The following PHACTR1 variants were observed in gnomAD, a reference collection of about 807,000 sequenced individuals.
PHACTR1 encodes phosphatase and actin regulator 1.
In PHACTR1, 16 loss-of-function variants were observed where a neutral mutation model predicts 69.2. The observed-to-expected ratio is 0.23, with a 90% CI of 0.16 to 0.35. The LOEUF is 0.35. Ranked by LOEUF, PHACTR1 falls within the 10% of genes least tolerant of loss-of-function variation. The probability of loss-of-function intolerance (pLI) is 1.00; values close to 1 mark genes in which losing one functional copy is unlikely to be tolerated. For missense variants in PHACTR1, 510 were observed against 734.7 expected, an observed-to-expected ratio of 0.69 and a Z score of 3.54; for synonymous variants, 312 against 284.5, an observed-to-expected ratio of 1.10 and a Z score of -0.97.
At chr6:12,773,196 T>TA (rs1455674513) in intron 4 of PHACTR1, among the ~76,000 whole-genome samples, 1 of 152,164 alleles carries the variant, frequency 6.6e-6, no homozygotes, top group Non-Finnish European at 1.5e-5. Flanking sequence ...CAGGGTTTTT[T>TA]AAAAAAATGT....
chr6:13,067,447 G>A (rs890812238), intron 5 of PHACTR1, among the ~76,000 whole-genome samples: 3 of 152,006 alleles, frequency 2.0e-5, no homozygotes, highest in African/African-American at 4.8e-5. Flanking sequence ...CTTTTTTGAC[G>A]TATCTCTATA....
chr6:12,844,128 C>G (rs909700276), intron 4 of PHACTR1, among the ~76,000 whole-genome samples: 3 of 152,160 alleles, frequency 2.0e-5, no homozygotes, highest in Non-Finnish European at 1.5e-5. Context: ...AGCGCAGTGG[C>G]TCATACCTAT....
chr6:12,908,355 C>G (rs554314655), intron 4 of PHACTR1, among the ~76,000 whole-genome samples: 2 of 152,306 alleles, frequency 1.3e-5, no homozygotes, highest in African/African-American at 2.4e-5. Context: ...AATATGGAGA[C>G]TGCCTATTAT....
At chr6:12,830,249 T>C (rs1424237007) in intron 4 of PHACTR1, among the ~76,000 whole-genome samples, 2 of 152,030 alleles carry the variant, frequency 1.3e-5, no homozygotes. Context: ...TCCAGTCAAG[T>C]TTGATACGCA....
chr6:12,933,780 G>A, intron 4 of PHACTR1: 1 of 1,612,822 alleles, frequency 6.2e-7, no homozygotes, highest in East Asian at 2.2e-5. Context: ...GCCCACATCT[G>A]CTCAGGCCCC....
intron 5 of PHACTR1, among the ~76,000 whole-genome samples, chr6:13,087,040 A>AT (rs1265460903): frequency 1.3e-5 from 2 of 151,198 alleles, no homozygotes; most frequent in African/African-American, 4.9e-5. Flanking sequence ...CTTATTTGCC[A>AT]TTTTTATATC....
At chr6:13,223,086 C>G (rs1289260102) in intron 8 of PHACTR1, among the ~76,000 whole-genome samples, 1 of 151,906 alleles carries the variant, frequency 6.6e-6, no homozygotes, top group South Asian at 2.1e-4. Flanking sequence ...CATACAAAAC[C>G]TGTTATTACA....
chr6:12,785,971 T>C (rs984003203), intron 4 of PHACTR1, among the ~76,000 whole-genome samples: 1 of 152,214 alleles, frequency 6.6e-6, no homozygotes, highest in African/African-American at 2.4e-5. Context: ...TCAACGGTTA[T>C]ATTGTGCTAA....
chr6:13,206,610 T>C (rs1005079473), intron 8 of PHACTR1, among the ~76,000 whole-genome samples: 1 of 152,216 alleles, frequency 6.6e-6, no homozygotes, highest in African/African-American at 2.4e-5. Flanking sequence ...TGTACATACA[T>C]TTAAGAAAGG....
At chr6:12,977,134 T>G (rs1305694100) in intron 4 of PHACTR1, among the ~76,000 whole-genome samples, 1 of 152,104 alleles carries the variant, frequency 6.6e-6, no homozygotes, top group Admixed American at 6.5e-5. Context: ...TGTATTTTAG[T>G]AGAGATAGGG....
chr6:12,947,789 A>G (rs1036094315), intron 4 of PHACTR1, among the ~76,000 whole-genome samples: 1 of 152,234 alleles, frequency 6.6e-6, no homozygotes, highest in Non-Finnish European at 1.5e-5. Flanking sequence ...TGACAGAGTC[A>G]GATTCAAACC....
At chr6:12,751,914 A>G (rs1296146871) in intron 4 of PHACTR1, among the ~76,000 whole-genome samples, 1 of 152,194 alleles carries the variant, frequency 6.6e-6, no homozygotes, top group East Asian at 1.9e-4. Flanking sequence ...GGTGGTGCTG[A>G]AGCGAGACAG....
intron 4 of PHACTR1, among the ~76,000 whole-genome samples, chr6:12,838,401 C>T (rs919302918): frequency 1.3e-5 from 2 of 152,090 alleles, no homozygotes; most frequent in Admixed American, 6.5e-5. Context: ...TTCCTTGTTT[C>T]GATTCCTAGA....
At chr6:13,049,740 A>G (rs962665288) in intron 4 of PHACTR1, among the ~76,000 whole-genome samples, 1 of 152,212 alleles carries the variant, frequency 6.6e-6, no homozygotes, top group Non-Finnish European at 1.5e-5. Flanking sequence ...TTGTTTTAAT[A>G]TAAAAAATAG....
chr6:13,265,738 G>A (rs1776597324), intron 10 of PHACTR1, among the ~76,000 whole-genome samples: 2 of 152,022 alleles, frequency 1.3e-5, no homozygotes. Flanking sequence ...TTCCCATTAC[G>A]TTGCTTCCAT....
chr6:12,854,226 G>A (rs1780110937), intron 4 of PHACTR1, among the ~76,000 whole-genome samples: 1 of 152,154 alleles, frequency 6.6e-6, no homozygotes, highest in Admixed American at 6.5e-5. Flanking sequence ...CATTTAAAAT[G>A]GAACAATAAA....
At chr6:13,212,917 G>T (rs1021499215) in intron 8 of PHACTR1, among the ~76,000 whole-genome samples, 1 of 152,136 alleles carries the variant, frequency 6.6e-6, no homozygotes, top group Non-Finnish European at 1.5e-5. Context: ...CTGTTCCCCA[G>T]CTCCTTTTAT....
intron 10 of PHACTR1, among the ~76,000 whole-genome samples, chr6:13,249,516 A>G (rs1014588673): frequency 6.6e-6 from 1 of 152,144 alleles, no homozygotes; most frequent in Non-Finnish European, 1.5e-5. Flanking sequence ...TGTGGTGATT[A>G]AGCCGGGCGT....
intron 5 of PHACTR1, among the ~76,000 whole-genome samples, chr6:13,107,981 A>G (rs1346195280): frequency 1.3e-5 from 2 of 151,944 alleles, no homozygotes; most frequent in Non-Finnish European, 2.9e-5. Flanking sequence ...GGATGTTTGT[A>G]TCATTGATTT....
Sources: allele counts gnomAD v4.1 joint callset (sites outside exome capture counted in the v4.1 genomes callset), GRCh38; gene constraint gnomAD v4.1.1; transcripts MANE v1.5; gene names NCBI Gene and HGNC (gene_info 2026-07-23, HGNC 2026-07-21).